Variants in SENP6 observed in about 807,000 individuals in gnomAD.
SENP6 encodes SUMO specific peptidase 6.
Under a neutral mutation model 134.5 loss-of-function variants are expected in SENP6, and 41 were observed. That is an observed-to-expected ratio of 0.30 (90% CI 0.24 to 0.40). The LOEUF (loss-of-function observed/expected upper bound fraction) is 0.40. Among genes scored for constraint, SENP6 ranks in the 10% least tolerant of loss-of-function variants. The pLI is 1.00. For missense variants in SENP6, 1,248 were observed against 1,312.5 expected (o/e 0.95, Z 0.76); for synonymous variants, 395 against 429.8 (o/e 0.92, Z 1.00).
rs1775625235 is a variant in SENP6, at chr6:75,709,502, TATGTA to T, written c.2717-20_2717-16del. On this transcript the variant is annotated intron_variant, in intron 19 of 23. Transcript: ENST00000447266. ...GAGTGATAGACATGGCCTTTTTTAT[TATGTA>T]ATGTTTCTTATTGATACAGATGGCT... The T allele has an allele frequency of 6.6e-7, 1 of 1,520,662 alleles. No homozygotes were observed. The allele number at this position is 1,520,662 out of a possible 1,614,324, so 94.2% of individuals were successfully genotyped here.
At chr6:75,682,497 C>T (rs1400925816) in intron 16 of SENP6, among the ~76,000 whole-genome samples, 4 of 151,768 alleles carry the variant, frequency 2.6e-5, no homozygotes, top group African/African-American at 9.7e-5. Context: ...TGTTGGTTTG[C>T]TGTACCTATC....
At chr6:75,603,128 C>A (rs115079723) in intron 1 of SENP6, among the ~76,000 whole-genome samples, 3 of 152,090 alleles carry the variant, frequency 2.0e-5, no homozygotes, top group African/African-American at 7.2e-5. Context: ...TAAAAATATT[C>A]TGTAAAATAA....
At chr6:75,622,663 T>C (rs1768364881) in intron 2 of SENP6, 1 of 556,028 alleles carries the variant, frequency 1.8e-6, no homozygotes. Flanking sequence ...TCCACAAATA[T>C]ACACACAAAG....
chr6:75,697,465 C>T lies in SENP6; in HGVS notation c.2236C>T (p.Arg746Trp), dbSNP rs964099751. The change falls in exon 18 of 24, where the codon CGG becomes TGG. Residue 746 changes from arginine (R) to tryptophan (W), a missense_variant. Transcript: ENST00000447266. Reference sequence around the variant, plus strand: ...GCATGGGAGAGTAAAAACATGGACCCGGCACGTAGATATTTTTGAGAAGGA... The same window carrying T: ...GCATGGGAGAGTAAAAACATGGACCTGGCACGTAGATATTTTTGAGAAGGA... ...KRHGRVKTWT[R>W]HVDIFEKDFI... The T allele has an allele frequency of 2.5e-6, 4 of 1,613,362 alleles. No individual in the cohort carries two copies. The highest frequency in any genetic ancestry group is 2.5e-6 in the Non-Finnish European group (3 of 1,179,608).
At chr6:75,606,529 TAG>T (rs1384121739) in intron 1 of SENP6, among the ~76,000 whole-genome samples, 1 of 152,186 alleles carries the variant, frequency 6.6e-6, no homozygotes, top group Non-Finnish European at 1.5e-5. Flanking sequence ...GTTTTTTTCA[TAG>T]AGTGTTCAGT....
At chr6:75,696,931 TTAA>T (rs1242829630) in intron 17 of SENP6, among the ~76,000 whole-genome samples, 2 of 152,170 alleles carry the variant, frequency 1.3e-5, no homozygotes, top group Non-Finnish European at 1.5e-5. Flanking sequence ...TAATAAATAA[TTAA>T]TAATAATAAT....
intron 2 of SENP6, among the ~76,000 whole-genome samples, chr6:75,622,584 C>T (rs1768358496): frequency 6.6e-6 from 1 of 152,108 alleles, no homozygotes; most frequent in African/African-American, 2.4e-5. Flanking sequence ...AACAAAAAAA[C>T]ATTGTTTTTA....
chr6:75,658,448 T>C (rs571409576), intron 7 of SENP6, among the ~76,000 whole-genome samples: 2 of 152,152 alleles, frequency 1.3e-5, no homozygotes, highest in African/African-American at 2.4e-5. Context: ...TATTTTGGTT[T>C]ACAGATTCTT....
chr6:75,708,943 CT>C (rs1775586196), intron 19 of SENP6, among the ~76,000 whole-genome samples: 1 of 152,030 alleles, frequency 6.6e-6, no homozygotes, highest in Admixed American at 6.6e-5. Flanking sequence ...GGTAGTAAAT[CT>C]TACATTTCTT....
At chr6:75,713,395 CAT>C (rs567972670) in intron 21 of SENP6, 116 bp from the exon 22 acceptor site, 285 of 791,844 alleles carry the variant, frequency 3.6e-4, no homozygotes, top group Non-Finnish European at 5.7e-4. Context: ...AGTACTGAGT[CAT>C]ACAAAGGGGA....
In SENP6 at chr6:75,703,075, A is replaced by G. The variant is rs1775151817; in HGVS notation, c.2716+3A>G. On this transcript the variant is annotated splice_donor_region_variant and intron_variant, in intron 19 of 23. Transcript: ENST00000447266. ...TTTAAGTTCCACACATCATACAGGT[A>G]TGTATCTAAATGTTTTGAAAGAATG... 6.5e-7 allele frequency: 1 copy of G among 1,545,450 alleles called. No homozygotes were observed.
At chr6:75,658,992 A>G (rs1771560851) in intron 7 of SENP6, among the ~76,000 whole-genome samples, 3 of 150,048 alleles carry the variant, frequency 2.0e-5, no homozygotes, top group Non-Finnish European at 4.4e-5. Context: ...AAAAAAAAAA[A>G]AAAAAAAAGG....
chr6:75,675,610 C>A, intron 12 of SENP6, 142 bp downstream of exon 12: 1 of 677,952 alleles, frequency 1.5e-6, no homozygotes, highest in South Asian at 2.0e-5. Context: ...GGGCATATAT[C>A]TTGGTGTAAT....
At chr6:75,697,375 T>C (rs573694725) in intron 17 of SENP6, 50 bp from the exon 18 acceptor site, 1 of 1,290,550 alleles carries the variant, frequency 7.7e-7, no homozygotes, top group Admixed American at 1.9e-5. Context: ...ACATATAAGC[T>C]GGAGCACTAG....
At chr6:75,695,219 CTG>C (rs929246710) in intron 16 of SENP6, among the ~76,000 whole-genome samples, 5 of 152,042 alleles carry the variant, frequency 3.3e-5, no homozygotes, top group African/African-American at 1.2e-4. Context: ...GAGTCTCACT[CTG>C]TTTCTCAGGC....
In SENP6 at chr6:75,695,908, AAAC is replaced by A; in HGVS notation, c.2184_2186del (p.Thr729del). ...AATCAGAGAGAGAGGAGAAATCATGAAACAACTAATCTGTCGTAAGTCAAACTC... is the reference window on the plus strand; with the variant it reads ...AATCAGAGAGAGAGGAGAAATCATGAAACTAATCTGTCGTAAGTCAAACTC... On this transcript the variant is annotated inframe_deletion, in exon 17 of 24. Transcript: ENST00000447266. 6.2e-7 allele frequency: 1 copy of A among 1,601,850 alleles called. No individual in the cohort carries two copies. Among genetic ancestry groups the A allele is most frequent in the Non-Finnish European group, 8.5e-7 (1 of 1,175,744 alleles).
intron 7 of SENP6, among the ~76,000 whole-genome samples, chr6:75,648,059 A>G (rs897129028): frequency 2.0e-5 from 3 of 152,184 alleles, no homozygotes; most frequent in Non-Finnish European, 4.4e-5. Flanking sequence ...CAAATAGTGT[A>G]ACTGTAGTTG....
Position 75,713,711 on chromosome 6 carries a change from C to G in SENP6, c.3015C>G (p.Ser1005Arg), listed in dbSNP as rs753035942. 1 of 1,612,612 alleles carries G rather than the reference C, an allele frequency of 6.2e-7. No homozygotes were observed. Among genetic ancestry groups the G allele is most frequent in the South Asian group, 1.1e-5 (1 of 90,918 alleles). Residue 1005 changes from serine (S) to arginine (R), a missense_variant, in exon 23 of 24, where the codon AGC becomes AGG. This residue lies in a region of SENP6 where 386 missense variants were observed against 395.0 expected (regional missense o/e 0.98). Coordinates refer to ENST00000447266, the MANE Select transcript of SENP6 (RefSeq NM_015571.4). The part of the protein sequence containing the change: ...LEVEWEVKKG[S>R]KRSFSKDVMK... ...TGGAATGGGAAGTTAAAAAAGGAAG[C>G]AAAAGAAGTTTTTCCAAAGATGTTA...
At chr6:75,644,816 A>G (rs1399810231) in intron 6 of SENP6, among the ~76,000 whole-genome samples, 1 of 152,192 alleles carries the variant, frequency 6.6e-6, no homozygotes, top group East Asian at 1.9e-4. Context: ...TTTAGTTCGT[A>G]ATAGTGTACC....
Sources: allele counts gnomAD v4.1 joint callset (sites outside exome capture counted in the v4.1 genomes callset), GRCh38; gene constraint gnomAD v4.1.1; regional missense constraint gnomAD v4.1.1; transcripts MANE v1.5; gene names NCBI Gene and HGNC (gene_info 2026-07-23, HGNC 2026-07-21).